Variants in ZDHHC14 observed in about 807,000 individuals in gnomAD.
ZDHHC14 encodes palmitoyltransferase ZDHHC14.
A neutral mutation model predicts 47.7 loss-of-function variants in ZDHHC14; 16 were observed. The ratio of observed to expected loss-of-function variants is 0.34; its 90% CI spans 0.23 to 0.51. The LOEUF (loss-of-function observed/expected upper bound fraction) is 0.51, where lower values mean the gene tolerates loss of function less well. ZDHHC14 is among the 20% of genes least tolerant of loss of function. The probability of loss-of-function intolerance (pLI) is 0.97; values close to 1 mark genes in which losing one functional copy is unlikely to be tolerated. For missense variants in ZDHHC14, 515 were observed against 662.5 expected, an observed-to-expected ratio of 0.78 and a Z score of 2.44; for synonymous variants, 293 against 278.9, an observed-to-expected ratio of 1.05 and a Z score of -0.50.
At chr6:157,591,345 GGGA>G (rs1222600085) in intron 2 of ZDHHC14, among the ~76,000 whole-genome samples, 1 of 152,166 alleles carries the variant, frequency 6.6e-6, no homozygotes, top group East Asian at 1.9e-4. Flanking sequence ...TACATGTCAT[GGGA>G]GGGACCCAGT....
chr6:157,484,407 T>TAC (rs1779723903), intron 1 of ZDHHC14, among the ~76,000 whole-genome samples: 3 of 145,630 alleles, frequency 2.1e-5, no homozygotes, highest in African/African-American at 7.6e-5. Context: ...TACATATATA[T>TAC]GTATACACAT....
intron 7 of ZDHHC14, among the ~76,000 whole-genome samples, chr6:157,652,830 T>A (rs912310875): frequency 6.6e-6 from 1 of 152,060 alleles, no homozygotes; most frequent in African/African-American, 2.4e-5. Flanking sequence ...CCAGGTACCA[T>A]GGGGGGCCAC....
chr6:157,667,862 C>T (rs573879376), intron 8 of ZDHHC14, among the ~76,000 whole-genome samples: 29 of 152,248 alleles, frequency 1.9e-4, no homozygotes, highest in South Asian at 6.2e-4. Context: ...TCAAAACAGG[C>T]GACGTTTTGA....
intron 1 of ZDHHC14, among the ~76,000 whole-genome samples, chr6:157,509,937 C>T (rs1780421546): frequency 6.6e-6 from 1 of 152,226 alleles, no homozygotes; most frequent in African/African-American, 2.4e-5. Context: ...TCACTTCCCT[C>T]TCCTCTGTTA....
chr6:157,570,806 C>T (rs1435080485), intron 2 of ZDHHC14, among the ~76,000 whole-genome samples: 34 of 149,814 alleles, frequency 2.3e-4, no homozygotes, highest in African/African-American at 7.5e-4. Context: ...TATATATACA[C>T]ACACACACAC....
chr6:157,496,904 A>G (rs1168189164), intron 1 of ZDHHC14, among the ~76,000 whole-genome samples: 1 of 152,086 alleles, frequency 6.6e-6, no homozygotes, highest in African/African-American at 2.4e-5. Context: ...CATTTCCTCC[A>G]CCATTTCCTC....
chr6:157,405,401 T>G (rs573224925), intron 1 of ZDHHC14, among the ~76,000 whole-genome samples: 1 of 152,174 alleles, frequency 6.6e-6, no homozygotes, highest in Admixed American at 6.5e-5. Context: ...CCTGGCTAAT[T>G]TTTTGTATTT....
chr6:157,671,156 C>G (rs1778778637), intron 8 of ZDHHC14, among the ~76,000 whole-genome samples: 1 of 152,172 alleles, frequency 6.6e-6, no homozygotes, highest in African/African-American at 2.4e-5. Context: ...TTCAGTAACT[C>G]TAGCCTTCTG....
At chr6:157,484,329 GTATATATACATTATACGTA>G (rs1779716344) in intron 1 of ZDHHC14, among the ~76,000 whole-genome samples, 1 of 84,262 alleles carries the variant, frequency 1.2e-5, no homozygotes, top group Non-Finnish European at 2.4e-5. Flanking sequence ...ATATATATAC[GTATATATACATTATACGTA>G]TATATACACA....
intron 2 of ZDHHC14, among the ~76,000 whole-genome samples, chr6:157,570,649 C>T (rs1783059610): frequency 6.6e-6 from 1 of 152,090 alleles, no homozygotes; most frequent in African/African-American, 2.4e-5. Flanking sequence ...TTGTTATGAG[C>T]ATGTATTGGA....
At chr6:157,576,825 C>T (rs569730826) in intron 2 of ZDHHC14, among the ~76,000 whole-genome samples, 25 of 152,354 alleles carry the variant, frequency 1.6e-4, no homozygotes, top group African/African-American at 6.0e-4. Flanking sequence ...TGAAATCCAC[C>T]AGGCTATGCC....
At position 157,548,677 on chromosome 6, in the gene ZDHHC14, C is replaced by T. The variant is rs377471345; in HGVS notation, c.406+5932C>T. Among the ~76,000 whole-genome samples, 5 of 152,298 alleles carry T rather than the reference C, an allele frequency of 3.3e-5. No homozygotes were observed. The East Asian group carries it at 5.8e-4, about 18-fold the overall frequency. On this transcript the variant is annotated intron_variant, in intron 2 of 8. Coordinates refer to ENST00000359775, the MANE Select transcript of ZDHHC14 (RefSeq NM_024630.3). ...GTCAGGCTGGTCTCGAACTCCCAGC[C>T]TCAGATGATCTGCCCGCCTGGGCCT...
Position 157,502,853 on chromosome 6 carries a change from G to A in ZDHHC14, c.246-39732G>A, listed in dbSNP as rs1427838622. On this transcript the variant is annotated intron_variant, in intron 1 of 8. Transcript: ENST00000359775. This position sits in a 1 kb window ranked among gnomAD's most constrained non-coding sequence, Gnocchi z 4.0. ...TTACAGGTGCCCATCACCATGCCCA[G>A]CTAATTTTTGTATTTTTAATAGAGA... Among the ~76,000 whole-genome samples the A allele has an allele frequency of 6.6e-6, 1 of 152,084 alleles. No homozygotes were observed. Among genetic ancestry groups the A allele is most frequent in the Non-Finnish European group, 1.5e-5 (1 of 68,032 alleles).
chr6:157,385,908 T>G (rs1777299914), intron 1 of ZDHHC14, among the ~76,000 whole-genome samples: 1 of 152,218 alleles, frequency 6.6e-6, no homozygotes, highest in Non-Finnish European at 1.5e-5. Context: ...AAGCCTTAGT[T>G]TCCCAATCTG....
chr6:157,552,692 G>A (rs1001642825), intron 2 of ZDHHC14, among the ~76,000 whole-genome samples: 1 of 152,190 alleles, frequency 6.6e-6, no homozygotes, highest in Non-Finnish European at 1.5e-5. Flanking sequence ...GCCATGCTGA[G>A]CCCAGGAGGG....
At chr6:157,616,494 G>C (rs1252191253) in intron 3 of ZDHHC14, among the ~76,000 whole-genome samples, 1 of 152,122 alleles carries the variant, frequency 6.6e-6, no homozygotes, top group Non-Finnish European at 1.5e-5. Flanking sequence ...CAGGCCCAAG[G>C]CTGGAGCTGG....
intron 3 of ZDHHC14, among the ~76,000 whole-genome samples, chr6:157,616,610 T>G (rs1784973374): frequency 6.6e-6 from 1 of 152,122 alleles, no homozygotes; most frequent in African/African-American, 2.4e-5. Flanking sequence ...GACCTGAGTG[T>G]GTACCGTAGA....
intron 2 of ZDHHC14, among the ~76,000 whole-genome samples, chr6:157,556,414 G>A (rs1782466590): frequency 6.6e-6 from 1 of 152,216 alleles, no homozygotes; most frequent in South Asian, 2.1e-4. Context: ...ACTGAGGCAC[G>A]CAAAGGACGA....
intron 1 of ZDHHC14, among the ~76,000 whole-genome samples, chr6:157,497,030 G>A (rs576344363): frequency 6.6e-6 from 1 of 152,318 alleles, no homozygotes; most frequent in African/African-American, 2.4e-5. Context: ...GAGTGGGTGG[G>A]TTAGGGAAGG....
Sources: gnomAD v4.1 joint callset for allele counts (sites outside exome capture counted in the v4.1 genomes callset) on GRCh38, gnomAD v4.1.1 for gene constraint, Gnocchi (gnomAD v3.1) non-coding constraint, MANE v1.5 for transcripts, NCBI Gene and HGNC (gene_info 2026-07-23, HGNC 2026-07-21) for gene names.